The following SERPINB5 variants were observed in gnomAD, a reference collection of about 807,000 sequenced individuals.
SERPINB5 encodes serpin B5.
In SERPINB5, 27 loss-of-function variants were observed where a neutral mutation model predicts 32.2. That is an observed-to-expected ratio of 0.84 (90% confidence interval 0.62 to 1.16). SERPINB5 has a LOEUF of 1.16. Ranked by LOEUF, SERPINB5 falls within the 50% of genes most tolerant of loss-of-function variation. The pLI, the probability that SERPINB5 is intolerant of heterozygous loss-of-function variation, is 0.00. For missense variants in SERPINB5, 388 were observed against 436.3 expected (o/e 0.89, Z 0.99); for synonymous variants, 154 against 157.4 (o/e 0.98, Z 0.16).
intron 5 of SERPINB5, chr18:63,493,483 T>C: frequency 2.3e-6 from 1 of 433,596 alleles, no homozygotes; most frequent in Non-Finnish European, 4.0e-6. Flanking sequence ...TTGTTCCTGA[T>C]TGATTAACTT....
intron 1 of SERPINB5, among the ~76,000 whole-genome samples, chr18:63,483,894 A>G (rs569096448): frequency 2.9e-4 from 44 of 152,330 alleles, no homozygotes; most frequent in African/African-American, 1.0e-3. Flanking sequence ...GTTTCCACGT[A>G]AGGTCACATT....
chr18:63,496,009 A>T (rs116506613), intron 5 of SERPINB5, among the ~76,000 whole-genome samples: 212 of 152,360 alleles, frequency 1.4e-3, no homozygotes, highest in African/African-American at 4.9e-3. Flanking sequence ...TTATATCATT[A>T]AAAGTTTAGT....
At chr18:63,497,272 A>G in intron 5 of SERPINB5, 1 of 1,078,800 alleles carries the variant, frequency 9.3e-7, no homozygotes, top group Non-Finnish European at 1.4e-6. Context: ...CAGCTTGATC[A>G]TTGGTTATTC....
chr18:63,503,959 A>G lies in SERPINB5; in HGVS notation c.*237A>G, dbSNP rs990027121. The G allele has an allele frequency of 4.0e-6, 2 of 502,142 alleles. No individual in the cohort carries two copies. The highest frequency in any genetic ancestry group is 4.0e-5 in the African/African-American group (2 of 50,330). 31.1% of individuals were successfully genotyped at this position (502,142 alleles called of 1,614,324 possible). A position where few individuals can be genotyped will look rare whatever the true frequency, so the allele number is the denominator to read the frequency against. On this transcript the variant is annotated 3_prime_UTR_variant, in exon 7 of 7. Coordinates refer to ENST00000382771, the MANE Select transcript of SERPINB5 (RefSeq NM_002639.5). ...ATGACATACGCTTTTAATGAAAAGGAATCACGTTAGAGGAAAAATATTTAT... is the reference window on the plus strand; with the variant it reads ...ATGACATACGCTTTTAATGAAAAGGGATCACGTTAGAGGAAAAATATTTAT...
intron 2 of SERPINB5, 45 bp downstream of exon 2, chr18:63,484,641 A>G (rs1599387782): frequency 6.4e-7 from 1 of 1,555,244 alleles, no homozygotes. Flanking sequence ...GAATACAGTT[A>G]TTAGAACCCA....
chr18:63,492,623 G>A (rs1909363731), intron 4 of SERPINB5, among the ~76,000 whole-genome samples: 1 of 152,222 alleles, frequency 6.6e-6, no homozygotes, highest in African/African-American at 2.4e-5. Flanking sequence ...CATTCATAAA[G>A]TAGGAAGAAA....
At chr18:63,491,827 C>G (rs968279987) in intron 4 of SERPINB5, among the ~76,000 whole-genome samples, 1 of 152,128 alleles carries the variant, frequency 6.6e-6, no homozygotes, top group South Asian at 2.1e-4. Flanking sequence ...AGTTGAAGCT[C>G]TGTCGTTTAC....
intron 1 of SERPINB5, among the ~76,000 whole-genome samples, chr18:63,478,757 A>AT (rs773463345): frequency 7.1e-5 from 6 of 84,508 alleles, no homozygotes; most frequent in Non-Finnish European, 1.1e-4. Flanking sequence ...GTAAAAACGT[A>AT]GTTTTTTTTT....
At chr18:63,481,025 C>G (rs922840665) in intron 1 of SERPINB5, among the ~76,000 whole-genome samples, 1 of 152,186 alleles carries the variant, frequency 6.6e-6, no homozygotes, top group African/African-American at 2.4e-5. Context: ...AAGGGACTCA[C>G]TCAAAGGGAA....
At position 63,503,810 on chromosome 18, in the gene SERPINB5, A is replaced by G; in HGVS notation, c.*88A>G. The G allele has an allele frequency of 2.2e-6, 3 of 1,360,006 alleles. No individual in the cohort carries two copies. Among genetic ancestry groups the G allele is most frequent in the South Asian group, 1.3e-5 (1 of 79,726 alleles). The allele number at this position is 1,360,006 out of a possible 1,614,324, so 84.2% of individuals were successfully genotyped here. A position where few individuals can be genotyped will look rare whatever the true frequency, so the allele number is the denominator to read the frequency against. On this transcript the variant is annotated 3_prime_UTR_variant, in exon 7 of 7. Coordinates refer to ENST00000382771, the MANE Select transcript of SERPINB5 (RefSeq NM_002639.5). ...GCATCCAGAGATTCATTTTCTAGAT[A>G]CAATAAATTGCTAATGTTGCTGGAT...
At chr18:63,495,649 A>C (rs564921324) in intron 5 of SERPINB5, among the ~76,000 whole-genome samples, 1 of 152,244 alleles carries the variant, frequency 6.6e-6, no homozygotes, top group Non-Finnish European at 1.5e-5. Flanking sequence ...TCATTAAGAA[A>C]GTATTAACGT....
chr18:63,480,735 T>C (rs147278752), intron 1 of SERPINB5, among the ~76,000 whole-genome samples: 3 of 152,344 alleles, frequency 2.0e-5, no homozygotes, highest in African/African-American at 7.2e-5. Context: ...TTTAGGTCAC[T>C]TGGGACTAAT....
At chr18:63,502,137 A>ATTT (rs11403937) in intron 6 of SERPINB5, among the ~76,000 whole-genome samples, 5 of 139,004 alleles carry the variant, frequency 3.6e-5, no homozygotes, top group Non-Finnish European at 7.7e-5. Context: ...TTTGGAAATG[A>ATTT]TTTTTTTTTT....
intron 1 of SERPINB5, among the ~76,000 whole-genome samples, chr18:63,481,528 T>G (rs1568107620): frequency 6.6e-6 from 1 of 152,274 alleles, no homozygotes; most frequent in Non-Finnish European, 1.5e-5. Context: ...CGATTAGCTC[T>G]CCACTGGTGG....
Position 63,487,071 on chromosome 18 carries a change from G to C in SERPINB5, c.294G>C (p.Leu98=), listed in dbSNP as rs1245457825. The C allele has an allele frequency of 1.2e-6, 2 of 1,613,346 alleles. No homozygotes were observed. Among genetic ancestry groups the C allele is most frequent in the Non-Finnish European group, 1.7e-6 (2 of 1,179,806 alleles). The part of the protein sequence containing the change: ...LIKRLYVDKS[L]NLSTEFISST... The stretch of plus-strand genomic sequence containing the variant: ...AGCGGCTCTACGTAGACAAATCTCT[G>C]AATCTTTCTACAGTAAGTTGTTTAA... The change falls in exon 3 of 7, where the codon CTG becomes CTC. Residue 98 remains leucine (L), a synonymous_variant. Transcript: ENST00000382771.
At chr18:63,478,822 C>T (rs927682693) in intron 1 of SERPINB5, among the ~76,000 whole-genome samples, 3 of 147,952 alleles carry the variant, frequency 2.0e-5, no homozygotes, top group Non-Finnish European at 3.0e-5. Flanking sequence ...TGCAGTGGCA[C>T]GATCTTGGCT....
At chr18:63,485,069 C>T (rs554736969) in intron 2 of SERPINB5, among the ~76,000 whole-genome samples, 1 of 152,228 alleles carries the variant, frequency 6.6e-6, no homozygotes, top group South Asian at 2.1e-4. Flanking sequence ...TAATGCAACT[C>T]ACATCTGGGA....
intron 6 of SERPINB5, 53 bp downstream of exon 6, chr18:63,499,340 G>C: frequency 7.1e-7 from 1 of 1,408,896 alleles, no homozygotes; most frequent in Non-Finnish European, 9.4e-7. Context: ...TTGGCAAAGA[G>C]TTGTGCCAAC....
At chr18:63,493,363 C>T (rs1909381159) in intron 5 of SERPINB5, 1 of 566,600 alleles carries the variant, frequency 1.8e-6, no homozygotes, top group African/African-American at 1.9e-5. Context: ...AGCTAAGTCA[C>T]CAGCTGAAAA....
Sources: gnomAD v4.1 joint callset for allele counts (sites outside exome capture counted in the v4.1 genomes callset) on GRCh38, gnomAD v4.1.1 for gene constraint, MANE v1.5 for transcripts, NCBI Gene and HGNC (gene_info 2026-07-23, HGNC 2026-07-21) for gene names.